GRXCR1: variants seen among roughly 807,000 people sequenced by gnomAD.
GRXCR1 encodes glutaredoxin domain-containing cysteine-rich protein 1.
Under a neutral mutation model 27.3 loss-of-function variants are expected in GRXCR1, and 27 were observed. The observed-to-expected ratio is 0.99, with a 90% CI of 0.73 to 1.37. GRXCR1 has a LOEUF of 1.37. Ranked by LOEUF, GRXCR1 falls within the 40% of genes most tolerant of loss-of-function variation. The pLI is 0.00. For synonymous variants in GRXCR1, 122 were observed against 131.1 expected (o/e 0.93, Z 0.47); for missense variants, 379 against 354.4 (o/e 1.07, Z -0.56).
chr4:42,962,827 C>A, intron 1 of GRXCR1, 65 bp from the exon 2 acceptor site: 1 of 1,593,046 alleles, frequency 6.3e-7, no homozygotes, highest in Non-Finnish European at 8.6e-7. Flanking sequence ...TTTTAATTGT[C>A]TTAAAATCAT....
chr4:43,010,598 G>T (rs1712716941), intron 2 of GRXCR1, among the ~76,000 whole-genome samples: 1 of 152,046 alleles, frequency 6.6e-6, no homozygotes, highest in Admixed American at 6.6e-5. Flanking sequence ...ATGGATGGGG[G>T]TGGGGTGGGG....
intron 2 of GRXCR1, among the ~76,000 whole-genome samples, chr4:42,970,639 G>C (rs1471608266): frequency 6.6e-6 from 1 of 152,154 alleles, no homozygotes; most frequent in African/African-American, 2.4e-5. Context: ...AGGCTGTACA[G>C]AGCAGTGGGG....
chr4:42,963,837 C>T (rs558632524), intron 2 of GRXCR1, among the ~76,000 whole-genome samples: 9 of 152,054 alleles, frequency 5.9e-5, no homozygotes, highest in Admixed American at 5.9e-4. Context: ...CCAAGGGACA[C>T]CAGCAACCAG....
intron 2 of GRXCR1, among the ~76,000 whole-genome samples, chr4:42,996,886 C>T (rs990832918): frequency 2.6e-5 from 4 of 151,892 alleles, no homozygotes; most frequent in African/African-American, 9.7e-5. Context: ...CGTATGTGTA[C>T]ACCTTTCTGT....
intron 1 of GRXCR1, among the ~76,000 whole-genome samples, chr4:42,954,524 C>T (rs1747954780): frequency 1.3e-5 from 2 of 152,146 alleles, no homozygotes; most frequent in South Asian, 2.1e-4. Context: ...TTTATTTCCA[C>T]ATCTTAGTTT....
chr4:42,895,967 C>A (rs1746339033), intron 1 of GRXCR1, among the ~76,000 whole-genome samples: 1 of 152,086 alleles, frequency 6.6e-6, no homozygotes. Context: ...AAAAAGTGAG[C>A]AGTCGGTATC....
rs371390244 is a variant in GRXCR1, at chr4:42,893,452, G to A, written c.186G>A (p.Gln62=). The change falls in exon 1 of 4, where the codon CAG becomes CAA. Residue 62 remains glutamine, a synonymous_variant. Coordinates refer to ENST00000399770, the MANE Select transcript of GRXCR1 (RefSeq NM_001080476.3). ...IDGLGDSDGQ[Q]NGHIESEGDE... is the part of the protein sequence containing the mutation. ...GACTAGGTGATTCCGATGGACAGCA[G>A]AATGGCCACATAGAGTCAGAAGGTG... 3.7e-6 allele frequency: 6 copies of A among 1,613,756 alleles called. No homozygotes were observed. In the African/African-American group the frequency reaches 6.7e-5, roughly 18 times the overall value.
intron 2 of GRXCR1, among the ~76,000 whole-genome samples, chr4:42,973,099 TATA>T (rs1398184801): frequency 6.6e-6 from 1 of 152,146 alleles, no homozygotes; most frequent in African/African-American, 2.4e-5. Flanking sequence ...GATTCAGAAA[TATA>T]ATAATAGCCA....
rs1266757152 is a variant in GRXCR1 at position 42,937,475 on chromosome 4, T to C, written c.385-25417T>C. Among the ~76,000 whole-genome samples the C allele has an allele frequency of 2.6e-5, 4 of 151,902 alleles. No homozygotes were observed. In the East Asian group the frequency reaches 7.8e-4, roughly 30 times the overall value. ...GTTCACTGCTCCAGGGATGTCATTGTTTCTAGGACCTCTCAGCTGACAGAC... is the reference window on the plus strand; with the variant it reads ...GTTCACTGCTCCAGGGATGTCATTGCTTCTAGGACCTCTCAGCTGACAGAC... On this transcript the variant is annotated intron_variant, in intron 1 of 3. Coordinates refer to ENST00000399770, the MANE Select transcript of GRXCR1 (RefSeq NM_001080476.3).
chr4:42,909,015 C>A (rs540681019), intron 1 of GRXCR1, among the ~76,000 whole-genome samples: 20 of 152,276 alleles, frequency 1.3e-4, no homozygotes, highest in Middle Eastern at 3.4e-3. Flanking sequence ...AGCCAGCAAA[C>A]AAGACATAGG....
chr4:43,021,958 CA>C (rs1206716091), intron 3 of GRXCR1, among the ~76,000 whole-genome samples: 1 of 152,100 alleles, frequency 6.6e-6, no homozygotes, highest in Non-Finnish European at 1.5e-5. Context: ...TTTCACCTGC[CA>C]GTATCTTGAT....
chr4:42,989,258 C>T (rs1711880909), intron 2 of GRXCR1, among the ~76,000 whole-genome samples: 1 of 152,156 alleles, frequency 6.6e-6, no homozygotes, highest in East Asian at 1.9e-4. Context: ...GGCCTCTCTT[C>T]TTGACTTGCA....
At chr4:42,910,343 C>T (rs781626451) in intron 1 of GRXCR1, among the ~76,000 whole-genome samples, 12 of 152,160 alleles carry the variant, frequency 7.9e-5, no homozygotes, top group Non-Finnish European at 1.5e-4. Flanking sequence ...TTTGATCCTG[C>T]GTCTCTCCAG....
At chr4:42,920,363 C>CA (rs139852606) in intron 1 of GRXCR1, among the ~76,000 whole-genome samples, 30,809 of 152,036 alleles carry the variant, frequency 0.2, 3,208 homozygotes, top group South Asian at 0.31. Context: ...TATAATGGCC[C>CA]AATGAGTGAA....
At chr4:43,005,421 T>A (rs879591292) in intron 2 of GRXCR1, among the ~76,000 whole-genome samples, 1 of 152,224 alleles carries the variant, frequency 6.6e-6, no homozygotes, top group East Asian at 1.9e-4. Flanking sequence ...TTTATTATTA[T>A]AGCACAATCT....
chr4:42,905,122 C>G (rs760105608), intron 1 of GRXCR1, among the ~76,000 whole-genome samples: 3 of 152,182 alleles, frequency 2.0e-5, no homozygotes, highest in Non-Finnish European at 4.4e-5. Flanking sequence ...GCCAATTCCT[C>G]TCTTGGAGAT....
intron 1 of GRXCR1, among the ~76,000 whole-genome samples, chr4:42,913,952 C>T (rs1577903212): frequency 6.6e-6 from 1 of 152,216 alleles, no homozygotes; most frequent in Admixed American, 6.5e-5. Context: ...TGTGTTGGGC[C>T]TGCAGGTGCA....
At chr4:42,995,846 A>G (rs900860889) in intron 2 of GRXCR1, among the ~76,000 whole-genome samples, 1 of 152,224 alleles carries the variant, frequency 6.6e-6, no homozygotes, top group African/African-American at 2.4e-5. Flanking sequence ...GAATCCAGCC[A>G]GTTCTGGACA....
chr4:42,895,126 A>G (rs1198702508), intron 1 of GRXCR1, among the ~76,000 whole-genome samples: 5 of 152,188 alleles, frequency 3.3e-5, no homozygotes, highest in East Asian at 1.9e-4. Flanking sequence ...TCTTCTCCCT[A>G]TGTGTTTACT....
Sources: allele counts gnomAD v4.1 joint callset (sites outside exome capture counted in the v4.1 genomes callset), GRCh38; gene constraint gnomAD v4.1.1; transcripts MANE v1.5; gene names NCBI Gene and HGNC (gene_info 2026-07-23, HGNC 2026-07-21).